DAB1: variants seen among roughly 807,000 people sequenced by gnomAD.
DAB1 encodes DAB adaptor protein 1.
In DAB1, 15 loss-of-function variants were observed where a neutral mutation model predicts 64.6. That is an observed-to-expected ratio of 0.23 (90% CI 0.16 to 0.36). The LOEUF (loss-of-function observed/expected upper bound fraction) is 0.36, where lower values mean the gene tolerates loss of function less well. Ranked by LOEUF, DAB1 falls within the 10% of genes least tolerant of loss-of-function variation. DAB1 has a pLI of 1.00. For missense variants in DAB1, 596 were observed against 706.7 expected (o/e 0.84, Z 1.78); for synonymous variants, 235 against 251.9 (o/e 0.93, Z 0.64).
At chr1:58,384,473 T>C (rs1186692898) in intron 3 of DAB1, among the ~76,000 whole-genome samples, 1 of 152,132 alleles carries the variant, frequency 6.6e-6, no homozygotes, top group Non-Finnish European at 1.5e-5. Flanking sequence ...AAAAATAAAA[T>C]ATTGTACCTT....
chr1:56,999,295 G>A (rs479711), intron 14 of DAB1, among the ~76,000 whole-genome samples: 48,784 of 151,972 alleles, frequency 0.32, 9,619 homozygotes, highest in African/African-American at 0.54. Flanking sequence ...AGAGAAGTTA[G>A]ATAATTTGCC....
chr1:57,913,024 T>C (rs1644671024), intron 5 of DAB1, among the ~76,000 whole-genome samples: 1 of 152,206 alleles, frequency 6.6e-6, no homozygotes, highest in African/African-American at 2.4e-5. Flanking sequence ...CTGTGCAAGG[T>C]AATTTATAGA....
At chr1:58,146,822 T>TATCC (rs895348200) in intron 5 of DAB1, among the ~76,000 whole-genome samples, 1 of 152,130 alleles carries the variant, frequency 6.6e-6, no homozygotes, top group South Asian at 2.1e-4. Flanking sequence ...ATAATTCCTT[T>TATCC]ATCCATCCAT....
chr1:57,124,039 T>C (rs1656905740), intron 4 of DAB1, among the ~76,000 whole-genome samples: 1 of 152,190 alleles, frequency 6.6e-6, no homozygotes, highest in Non-Finnish European at 1.5e-5. Flanking sequence ...CTGTGTAACT[T>C]TGGGCCAGCA....
At chr1:57,395,700 T>A (rs562561732) in intron 1 of DAB1, among the ~76,000 whole-genome samples, 18 of 152,064 alleles carry the variant, frequency 1.2e-4, no homozygotes, top group African/African-American at 4.3e-4. Flanking sequence ...ACTTTTTAAT[T>A]AATTTAAGTT....
intron 9 of DAB1, among the ~76,000 whole-genome samples, chr1:57,031,271 T>C (rs1418449485): frequency 6.6e-6 from 1 of 152,190 alleles, no homozygotes; most frequent in Non-Finnish European, 1.5e-5. Flanking sequence ...TAACCATATG[T>C]GGTCAAGAAT....
intron 4 of DAB1, among the ~76,000 whole-genome samples, chr1:57,132,324 T>C (rs936283015): frequency 6.6e-6 from 1 of 152,188 alleles, no homozygotes; most frequent in African/African-American, 2.4e-5. Flanking sequence ...AGTATCCCAG[T>C]ATCTTGGCAG....
intron 5 of DAB1, among the ~76,000 whole-genome samples, chr1:57,908,526 A>T (rs544707920): frequency 1.5e-4 from 23 of 152,218 alleles, no homozygotes; most frequent in African/African-American, 5.1e-4. Context: ...TACTGACACT[A>T]ATTAGTGGCT....
At chr1:58,125,074 G>C (rs187091289) in intron 5 of DAB1, among the ~76,000 whole-genome samples, 91 of 152,202 alleles carry the variant, frequency 6.0e-4, no homozygotes, top group Non-Finnish European at 1.1e-3. Context: ...ACAACAGATA[G>C]AAATTATAAA....
chr1:57,704,634 A>T (rs1263150326), intron 6 of DAB1, among the ~76,000 whole-genome samples: 1 of 152,214 alleles, frequency 6.6e-6, no homozygotes, highest in Non-Finnish European at 1.5e-5. Context: ...CAGTTGAAAT[A>T]CAAATTTATA....
At chr1:57,610,694 G>A (rs1258188092) in intron 7 of DAB1, among the ~76,000 whole-genome samples, 2 of 152,158 alleles carry the variant, frequency 1.3e-5, no homozygotes, top group Non-Finnish European at 2.9e-5. Flanking sequence ...GAGAGTGAAT[G>A]CCAGCAAGGG....
chr1:57,395,900 T>C (rs1199699506), intron 1 of DAB1, among the ~76,000 whole-genome samples: 2 of 152,364 alleles, frequency 1.3e-5, no homozygotes, highest in Admixed American at 6.5e-5. Flanking sequence ...CCTCCGATTT[T>C]ACCTGATATT....
At chr1:57,186,478 T>C (rs1048690071) in intron 2 of DAB1, among the ~76,000 whole-genome samples, 2 of 152,222 alleles carry the variant, frequency 1.3e-5, no homozygotes, top group African/African-American at 4.8e-5. Flanking sequence ...TTCATGTGAA[T>C]CAGGTTTTAC....
In DAB1 at chr1:58,508,705, C is replaced by T. The variant is rs144160742; in HGVS notation, n.108-2496G>A. On this transcript the variant is annotated intron_variant and non_coding_transcript_variant, in intron 2 of 20. Transcript: ENST00000485760. ...CTTGTAGCACTGATGGAATCTAAAACGCCCTAGATATCTAGGGGCCAGTGA... is the reference window on the plus strand; with the variant it reads ...CTTGTAGCACTGATGGAATCTAAAATGCCCTAGATATCTAGGGGCCAGTGA... Among the ~76,000 whole-genome samples the T allele has an allele frequency of 2.6e-4, 40 of 152,082 alleles. No homozygotes were observed. The East Asian group carries it at 6.0e-3, about 23-fold the overall frequency.
chr1:57,356,759 T>C (rs1174590294), intron 1 of DAB1, among the ~76,000 whole-genome samples: 1 of 152,010 alleles, frequency 6.6e-6, no homozygotes, highest in Non-Finnish European at 1.5e-5. Context: ...TGTCCTTACT[T>C]CTTTGGGGGA....
At chr1:58,352,911 G>T (rs139146388) in intron 3 of DAB1, among the ~76,000 whole-genome samples, 4 of 152,242 alleles carry the variant, frequency 2.6e-5, no homozygotes, top group Non-Finnish European at 2.9e-5. Context: ...GCCTTCACCA[G>T]ACATTGAATC....
rs114474557 is a variant in DAB1, at chr1:57,654,244, A to G, written n.552-4579T>C. Among the ~76,000 whole-genome samples the G allele has an allele frequency of 1.8e-3, 278 of 152,324 alleles. 2 individuals carry two copies. The highest frequency in any genetic ancestry group is 6.3e-3 in the African/African-American group (262 of 41,568). ...ATAAATAAACATTAAAGAGAGAGTA[A>G]AACACCTAGTATGTCAGATGGTCAC... is the stretch of plus-strand genomic sequence containing the variant. On this transcript the variant is annotated intron_variant and non_coding_transcript_variant, in intron 6 of 20. Coordinates refer to the DAB1 transcript ENST00000485760.
chr1:57,506,837 A>C (rs1385788025), intron 7 of DAB1, among the ~76,000 whole-genome samples: 1 of 151,534 alleles, frequency 6.6e-6, no homozygotes, highest in Non-Finnish European at 1.5e-5. Context: ...TCCTTGAAGC[A>C]CTCCATTTCT....
At chr1:58,220,019 C>T (rs999238756) in intron 4 of DAB1, among the ~76,000 whole-genome samples, 3 of 152,128 alleles carry the variant, frequency 2.0e-5, no homozygotes, top group Non-Finnish European at 2.9e-5. Flanking sequence ...AAAGCCTGTG[C>T]GTATTAAATG....
Sources: gnomAD v4.1 joint callset for allele counts (sites outside exome capture counted in the v4.1 genomes callset) on GRCh38, gnomAD v4.1.1 for gene constraint, MANE v1.5 for transcripts, NCBI Gene and HGNC (gene_info 2026-07-23, HGNC 2026-07-21) for gene names.